Variants in FLI1 observed in about 807,000 individuals in gnomAD.
The protein encoded by FLI1 is Friend leukemia integration 1 transcription factor.
FLI1 carries 13 observed loss-of-function variants against 53.1 expected under a neutral mutation model. The observed-to-expected ratio is 0.24, with a 90% CI of 0.16 to 0.39. The LOEUF is 0.39. Ranked by LOEUF, FLI1 falls within the 10% of genes least tolerant of loss-of-function variation. FLI1 has a pLI of 1.00. For missense variants in FLI1, 424 were observed against 600.5 expected (o/e 0.71, Z 3.07); for synonymous variants, 244 against 236.7 (o/e 1.03, Z -0.28).
intron 1 of FLI1, among the ~76,000 whole-genome samples, chr11:128,702,281 C>T (rs1298787042): frequency 6.6e-6 from 1 of 152,226 alleles, no homozygotes; most frequent in Non-Finnish European, 1.5e-5. Context: ...GCTATTTCTT[C>T]CAGGCTTTGA....
chr11:128,807,974 A>G (rs1440129868), intron 7 of FLI1, among the ~76,000 whole-genome samples: 1 of 152,158 alleles, frequency 6.6e-6, no homozygotes, highest in East Asian at 1.9e-4. Flanking sequence ...GCTGAGATGA[A>G]GTTCTGAACA....
intron 1 of FLI1, among the ~76,000 whole-genome samples, chr11:128,727,393 CCACTTT>C (rs1292842741): frequency 2.4e-4 from 37 of 152,326 alleles, no homozygotes; most frequent in African/African-American, 8.9e-4. Context: ...CGATAGCAAG[CCACTTT>C]AAGTCCTCAA....
At chr11:128,750,127 C>T (rs1196629182) in intron 1 of FLI1, among the ~76,000 whole-genome samples, 2 of 152,230 alleles carry the variant, frequency 1.3e-5, no homozygotes, top group African/African-American at 4.8e-5. Flanking sequence ...TGTGGTGACC[C>T]TGGGTAATGG....
Position 128,741,191 on chromosome 11 carries a change from G to A in FLI1, c.19-16924G>A, listed in dbSNP as rs1426431688. ...GGCGGATCACTTGAGGTCAGGAGTT[G>A]GAGACCAGGCTGGCAAACATAACGA... On this transcript the variant is annotated intron_variant, in intron 1 of 8. Coordinates refer to ENST00000527786, the MANE Select transcript of FLI1 (RefSeq NM_002017.5). 2.0e-5 allele frequency among the ~76,000 whole-genome samples: 3 copies of A among 152,066 alleles called. No individual in the cohort carries two copies. In the East Asian group the frequency reaches 5.8e-4, roughly 29 times the overall value.
chr11:128,728,260 T>C (rs1325313834), intron 1 of FLI1, among the ~76,000 whole-genome samples: 4 of 152,336 alleles, frequency 2.6e-5, no homozygotes, highest in Non-Finnish European at 4.4e-5. Context: ...GGATTCCCTT[T>C]GGGAGGCAGC....
At chr11:128,695,265 A>G (rs1242307151) in intron 1 of FLI1, among the ~76,000 whole-genome samples, 1 of 152,252 alleles carries the variant, frequency 6.6e-6, no homozygotes, top group Non-Finnish European at 1.5e-5. Context: ...GCTGTCTCTG[A>G]AAGGGTTCGC....
chr11:128,755,291 A>G (rs556179057), intron 1 of FLI1, among the ~76,000 whole-genome samples: 1 of 152,348 alleles, frequency 6.6e-6, no homozygotes, highest in South Asian at 2.1e-4. Context: ...GAAGGGAAAG[A>G]AATTATTTTA....
At chr11:128,689,777 A>G (rs982575898), upstream of FLI1, among the ~76,000 whole-genome samples, 57 of 152,308 alleles carry the variant, frequency 3.7e-4, no homozygotes, top group African/African-American at 1.2e-3. Flanking sequence ...CTCTCTGGTC[A>G]GGATTGGACT....
chr11:128,756,504 G>C (rs1940864252), intron 1 of FLI1, among the ~76,000 whole-genome samples: 1 of 152,168 alleles, frequency 6.6e-6, no homozygotes, highest in Admixed American at 6.5e-5. Context: ...AAGGGCTTCA[G>C]CATATGAATT....
At chr11:128,734,160 G>A (rs78129866) in intron 1 of FLI1, among the ~76,000 whole-genome samples, 1 of 152,196 alleles carries the variant, frequency 6.6e-6, no homozygotes, top group Non-Finnish European at 1.5e-5. Flanking sequence ...GTGGAGAGGG[G>A]TGGTTAAACA....
At chr11:128,791,844 C>T (rs1942284474) in intron 5 of FLI1, among the ~76,000 whole-genome samples, 1 of 152,104 alleles carries the variant, frequency 6.6e-6, no homozygotes, top group Non-Finnish European at 1.5e-5. Context: ...CCTTCTTGGC[C>T]CAACCACCGC....
chr11:128,787,176 G>A (rs1224160259), intron 5 of FLI1, among the ~76,000 whole-genome samples: 1 of 152,162 alleles, frequency 6.6e-6, no homozygotes, highest in East Asian at 1.9e-4. Flanking sequence ...CAGGAGCCAT[G>A]CACATGGTAA....
intron 7 of FLI1, among the ~76,000 whole-genome samples, chr11:128,808,597 C>G (rs1403375829): frequency 6.6e-6 from 1 of 152,148 alleles, no homozygotes; most frequent in East Asian, 1.9e-4. Context: ...AATCCAGTAG[C>G]CCAACCCACT....
chr11:128,768,355 T>C (rs2135833378), intron 3 of FLI1, 83 bp downstream of exon 3: 6 of 1,524,104 alleles, frequency 3.9e-6, no homozygotes, highest in Non-Finnish European at 5.4e-6. Context: ...CTTTATCTGA[T>C]ACTCTATTCC....
At chr11:128,787,994 T>C (rs1415865815) in intron 5 of FLI1, among the ~76,000 whole-genome samples, 3 of 151,686 alleles carry the variant, frequency 2.0e-5, no homozygotes, top group Non-Finnish European at 1.5e-5. Flanking sequence ...TATTTTTTAG[T>C]AGAGACGGGG....
At chr11:128,751,371 T>C (rs1591779969) in intron 1 of FLI1, among the ~76,000 whole-genome samples, 1 of 151,806 alleles carries the variant, frequency 6.6e-6, no homozygotes, top group East Asian at 1.9e-4. Flanking sequence ...TTTTTTTTTT[T>C]TTGAGACACT....
At chr11:128,766,712 G>A (rs942767623) in intron 2 of FLI1, among the ~76,000 whole-genome samples, 6 of 151,794 alleles carry the variant, frequency 4.0e-5, no homozygotes, top group African/African-American at 7.3e-5. Context: ...TATCTGGTAC[G>A]GCCCTGCTCC....
intron 5 of FLI1, among the ~76,000 whole-genome samples, chr11:128,801,553 AAT>A (rs1386582400): frequency 7.9e-5 from 12 of 152,130 alleles, no homozygotes; most frequent in Non-Finnish European, 1.5e-4. Flanking sequence ...CTCATACATA[AAT>A]AGGTGGATTG....
intron 1 of FLI1, among the ~76,000 whole-genome samples, chr11:128,745,088 A>C (rs772217956): frequency 4.6e-5 from 7 of 152,232 alleles, no homozygotes; most frequent in African/African-American, 7.2e-5. Flanking sequence ...ATGTATATTA[A>C]ATGTACATTA....
Sources: gnomAD v4.1 joint callset for allele counts (sites outside exome capture counted in the v4.1 genomes callset) on GRCh38, gnomAD v4.1.1 for gene constraint, MANE v1.5 for transcripts, NCBI Gene and HGNC (gene_info 2026-07-23, HGNC 2026-07-21) for gene names.